NECTIN1: variants seen among roughly 807,000 people sequenced by gnomAD.
NECTIN1 encodes nectin cell adhesion molecule 1.
In NECTIN1, 23 loss-of-function variants were observed where a neutral mutation model predicts 48.0. The observed-to-expected ratio is 0.48, with a 90% CI of 0.34 to 0.68. NECTIN1 has a LOEUF of 0.68. NECTIN1 is among the 30% of genes least tolerant of loss of function. NECTIN1 has a pLI of 0.01. For missense variants in NECTIN1, 591 were observed against 709.9 expected (o/e 0.83, Z 1.90); for synonymous variants, 270 against 288.9 (o/e 0.93, Z 0.66).
intron 1 of NECTIN1, among the ~76,000 whole-genome samples, chr11:119,724,996 T>C (rs1865888369): frequency 6.6e-6 from 1 of 152,172 alleles, no homozygotes; most frequent in African/African-American, 2.4e-5. Flanking sequence ...CTCTCTGAGG[T>C]AGGAGGCATT....
Position 119,661,180 on chromosome 11 carries a change from C to T in NECTIN1, c.*3567G>A, listed in dbSNP as rs181207779. The T allele has an allele frequency of 2.3e-4, 229 of 985,826 alleles. No homozygotes were observed. The highest frequency in any genetic ancestry group is 1.3e-3 in the Admixed American group (21 of 16,288). The allele number at this position is 985,826 out of a possible 1,614,324, so 61.1% of individuals were successfully genotyped here. A position where few individuals can be genotyped will look rare whatever the true frequency, so the allele number is the denominator to read the frequency against. ...GCGACAAGACGCCGAAGCAAGGTAGCGCATCACGCTGGGAGGGGAGGGTGG... is the reference window on the plus strand; with the variant it reads ...GCGACAAGACGCCGAAGCAAGGTAGTGCATCACGCTGGGAGGGGAGGGTGG... On this transcript the variant is annotated 3_prime_UTR_variant, in exon 6 of 6. Coordinates refer to ENST00000264025, the MANE Select transcript of NECTIN1 (RefSeq NM_002855.5).
At chr11:119,647,110 C>G (rs975347178) in intron 5 of NECTIN1, among the ~76,000 whole-genome samples, 7 of 150,718 alleles carry the variant, frequency 4.6e-5, no homozygotes, top group African/African-American at 1.7e-4. Flanking sequence ...ACACCCCCAA[C>G]TGGTCTAGGC....
rs750571284 is a variant in NECTIN1 at position 119,678,516 on chromosome 11, C to A, written c.329G>T (p.Arg110Leu). ...LRPSFTDGTI[R>L]LSRLELEDEG... ...ATCCTCCAGCTCCAGGCGGGAGAGG[C>A]GGATAGTGCCATCGGTGAAGGAGGG... is the stretch of plus-strand genomic sequence containing the variant. The change falls in exon 2 of 6, where the codon CGC (arginine) becomes CTC (leucine). Residue 110 changes from arginine (R) to leucine (L), a missense_variant. By Grantham distance (102) the Arg-to-Leu change is moderately radical. Transcript: ENST00000264025. This position sits in a 1 kb window ranked among gnomAD's most constrained non-coding sequence, Gnocchi z 4.4. The A allele has an allele frequency of 1.2e-6, 2 of 1,614,190 alleles. No homozygotes were observed. The highest frequency in any genetic ancestry group is 1.7e-5 in the Admixed American group (1 of 60,012).
Position 119,639,848 on chromosome 11 carries a change from A to T in NECTIN1, c.1151+17T>A, listed in dbSNP as rs1396078551. 5 of 1,613,798 alleles carry T rather than the reference A, an allele frequency of 3.1e-6. No individual in the cohort carries two copies. In the Admixed American group the frequency reaches 5.0e-5, roughly 16 times the overall value. Reference sequence around the variant, plus strand: ...AGACCAGTGGGAGTTTAGTGGGCAGAGTCCTGCCTGGCTCACCCGGCCCCA... The same window carrying T: ...AGACCAGTGGGAGTTTAGTGGGCAGTGTCCTGCCTGGCTCACCCGGCCCCA... On this transcript the variant is annotated intron_variant, in intron 6 of 7. Coordinates refer to the NECTIN1 transcript ENST00000341398.
intron 1 of NECTIN1, among the ~76,000 whole-genome samples, chr11:119,725,057 C>T (rs1279006174): frequency 6.6e-6 from 1 of 152,118 alleles, no homozygotes; most frequent in Admixed American, 6.5e-5. Flanking sequence ...ATTGAAGATA[C>T]ATTCACACCT....
chr11:119,693,833 C>A (rs904108024), intron 1 of NECTIN1, among the ~76,000 whole-genome samples: 4 of 152,190 alleles, frequency 2.6e-5, no homozygotes, highest in Admixed American at 2.6e-4. Flanking sequence ...GCAGCGCTGA[C>A]TCCTGCTTTC....
rs1267074463 is a variant in NECTIN1 at position 119,729,197 on chromosome 11, CTT to C, written c.-646_-645del. 1 of 152,182 alleles carries C rather than the reference CTT, an allele frequency of 6.6e-6. No individual in the cohort carries two copies. The highest frequency in any genetic ancestry group is 1.5e-5 in the Non-Finnish European group (1 of 68,038). 9.4% of individuals were successfully genotyped at this position (152,182 alleles called of 1,614,324 possible). On this transcript the variant is annotated 5_prime_UTR_variant, in exon 1 of 6. Transcript: ENST00000264025. ...GAGCCGCGCTCGCTGCTCTCGCTCT[CTT>C]TCTCTCACTCGCCGAGCTCCAGCCT... is the stretch of plus-strand genomic sequence containing the variant.
Position 119,727,630 on chromosome 11 carries a change from C to T in NECTIN1, c.79+845G>A, listed in dbSNP as rs1451021228. On this transcript the variant is annotated intron_variant, in intron 1 of 5. Coordinates refer to ENST00000264025, the MANE Select transcript of NECTIN1 (RefSeq NM_002855.5). This position sits in a 1 kb window ranked among gnomAD's most constrained non-coding sequence, Gnocchi z 4.1. ...AATATGCCTGGGCTGGTCCCAGCCT[C>T]CGTCCCCACCCCACCCGTCAGAATG... Among the ~76,000 whole-genome samples, 2 of 152,200 alleles carry T rather than the reference C, an allele frequency of 1.3e-5. No individual in the cohort carries two copies. The highest frequency in any genetic ancestry group is 2.9e-5 in the Non-Finnish European group (2 of 68,030).
downstream of NECTIN1, among the ~76,000 whole-genome samples, chr11:119,657,582 T>C (rs1457181906): frequency 1.4e-5 from 2 of 143,092 alleles, no homozygotes; most frequent in African/African-American, 5.3e-5. Context: ...ACCACTGCAC[T>C]CTAGCCTGGT....
intron 1 of NECTIN1, among the ~76,000 whole-genome samples, chr11:119,720,693 T>G (rs1377681706): frequency 2.6e-5 from 4 of 152,204 alleles, no homozygotes; most frequent in Non-Finnish European, 5.9e-5. Flanking sequence ...CCAGCAGGTA[T>G]GCAGGCTTGC....
chr11:119,700,106 C>T (rs746137113), intron 1 of NECTIN1, among the ~76,000 whole-genome samples: 1 of 152,168 alleles, frequency 6.6e-6, no homozygotes, highest in Non-Finnish European at 1.5e-5. Context: ...TCTATGTCTC[C>T]TGCTGGGGTG....
chr11:119,639,964 G>A (rs750594983), exon 6 of NECTIN1: 14 of 1,613,990 alleles, frequency 8.7e-6, no homozygotes, highest in Middle Eastern at 1.6e-4. Flanking sequence ...CACGGTGCCC[G>A]CCAGGAGCCT....
At chr11:119,704,709 G>A (rs1466225199) in intron 1 of NECTIN1, among the ~76,000 whole-genome samples, 1 of 152,116 alleles carries the variant, frequency 6.6e-6, no homozygotes, top group East Asian at 1.9e-4. Flanking sequence ...CTCCTCCGTG[G>A]GGTATGAAGC....
intron 4 of NECTIN1, among the ~76,000 whole-genome samples, chr11:119,676,636 G>C (rs888006378): frequency 2.0e-5 from 3 of 152,248 alleles, no homozygotes; most frequent in Non-Finnish European, 4.4e-5. Flanking sequence ...TGCTCCATGA[G>C]CACAGGCATT....
At chr11:119,719,793 G>C (rs921341982) in intron 1 of NECTIN1, among the ~76,000 whole-genome samples, 1 of 152,216 alleles carries the variant, frequency 6.6e-6, no homozygotes, top group African/African-American at 2.4e-5. Flanking sequence ...TGACTGGATA[G>C]CAGGATGGAG....
chr11:119,640,180 G>A (rs774091006), intron 5 of NECTIN1: 20 of 714,666 alleles, frequency 2.8e-5, no homozygotes, highest in Middle Eastern at 3.7e-4. Flanking sequence ...CCCAGCCGGT[G>A]TGGGATGGAG....
At position 119,665,285 on chromosome 11, in the gene NECTIN1, G is replaced by T. The variant is rs1371157035; in HGVS notation, c.1016C>A (p.Thr339Asn). 2.6e-5 allele frequency: 41 copies of T among 1,590,410 alleles called. No individual in the cohort carries two copies. Among genetic ancestry groups the T allele is most frequent in the Non-Finnish European group, 3.5e-5 (41 of 1,173,556 alleles). ...CCGCCCATGTTCGGGAGGAGACGGG[G>T]TGTAGGGGAATTCTGGGTGAGGAAA... is the stretch of plus-strand genomic sequence containing the variant. ...VEVNITEFPY[T>N]PSPPEHGRRA... The change falls in exon 6 of 6, where the codon ACC (threonine) becomes AAC (asparagine). Residue 339 changes from threonine (T) to asparagine (N), a missense_variant. Coordinates refer to ENST00000264025, the MANE Select transcript of NECTIN1 (RefSeq NM_002855.5). The surrounding 1 kb of genome is among the most constrained non-coding windows in gnomAD (Gnocchi z 5.1).
chr11:119,707,207 G>A (rs1865563447), intron 1 of NECTIN1, among the ~76,000 whole-genome samples: 2 of 152,110 alleles, frequency 1.3e-5, no homozygotes, highest in Non-Finnish European at 2.9e-5. Context: ...AGCTCTCTGT[G>A]TGACCAGGCT....
At position 119,684,035 on chromosome 11, in the gene NECTIN1, G is replaced by A. The variant is rs1223911856; in HGVS notation, c.80-5270C>T. Among the ~76,000 whole-genome samples the A allele has an allele frequency of 3.9e-5, 6 of 152,236 alleles. No individual in the cohort carries two copies. Among genetic ancestry groups the A allele is most frequent in the Admixed American group, 3.9e-4 (6 of 15,286 alleles). On this transcript the variant is annotated intron_variant, in intron 1 of 5. Coordinates refer to ENST00000264025, the MANE Select transcript of NECTIN1 (RefSeq NM_002855.5). This position sits in a 1 kb window ranked among gnomAD's most constrained non-coding sequence, Gnocchi z 5.2. ...AAACCTGCTCCCCAAGGCCCTGCCT[G>A]CCATGGAGCTCATCCGCAAGCCAGT... is the stretch of plus-strand genomic sequence containing the variant.
Sources: gnomAD v4.1 joint callset for allele counts (sites outside exome capture counted in the v4.1 genomes callset) on GRCh38, gnomAD v4.1.1 for gene constraint, Gnocchi (gnomAD v3.1) non-coding constraint, MANE v1.5 for transcripts, NCBI Gene and HGNC (gene_info 2026-07-23, HGNC 2026-07-21) for gene names.